Variants in PCDHGB5 observed in about 807,000 individuals in gnomAD.
The protein encoded by PCDHGB5 is protocadherin gamma subfamily B, 5.
PCDHGB5 carries 48 observed loss-of-function variants against 62.9 expected under a neutral mutation model. The ratio of observed to expected loss-of-function variants is 0.76; its 90% CI spans 0.61 to 0.97. The LOEUF (loss-of-function observed/expected upper bound fraction) is 0.97. Ranked by LOEUF, PCDHGB5 falls within the 50% of genes least tolerant of loss-of-function variation. PCDHGB5 has a pLI of 0.00. For missense variants in PCDHGB5, 1,118 were observed against 1,198.6 expected, an observed-to-expected ratio of 0.93 and a Z score of 0.99; for synonymous variants, 474 against 511.2, an observed-to-expected ratio of 0.93 and a Z score of 0.98.
At chr5:141,423,754 GGGGGGGT>G in intron 1 of PCDHGB5, 1 of 577,826 alleles carries the variant, frequency 1.7e-6, no homozygotes, top group Non-Finnish European at 2.2e-6. Flanking sequence ...ACTGTTTGGG[GGGGGGGT>G]GGGGCGGCAT....
At chr5:141,408,392 C>G in intron 1 of PCDHGB5, 1 of 1,614,002 alleles carries the variant, frequency 6.2e-7, no homozygotes, top group South Asian at 1.1e-5. Context: ...TGTGTCGGCT[C>G]GCAAGCTGCG....
At chr5:141,434,536 T>C (rs1037347477) in intron 1 of PCDHGB5, among the ~76,000 whole-genome samples, 7 of 152,186 alleles carry the variant, frequency 4.6e-5, no homozygotes, top group Non-Finnish European at 8.8e-5. Context: ...CCACAAACAA[T>C]AGCATGAGTG....
intron 1 of PCDHGB5, chr5:141,410,024 G>A (rs771946302): frequency 1.9e-6 from 3 of 1,613,164 alleles, no homozygotes; most frequent in South Asian, 1.1e-5. Context: ...GTCCTACCAC[G>A]TGCTGCAGGC....
intron 1 of PCDHGB5, chr5:141,408,651 C>T (rs373860648): frequency 6.2e-7 from 1 of 1,614,012 alleles, no homozygotes; most frequent in Non-Finnish European, 8.5e-7. Flanking sequence ...TCCGCTGGTA[C>T]ACGACTATCG....
chr5:141,505,155 C>T (rs2099844224), intron 2 of PCDHGB5, among the ~76,000 whole-genome samples: 1 of 152,162 alleles, frequency 6.6e-6, no homozygotes, highest in Non-Finnish European at 1.5e-5. Context: ...GAGTAAGACC[C>T]TGTCTAAAAC....
At chr5:141,430,217 T>C (rs1055487905) in intron 1 of PCDHGB5, among the ~76,000 whole-genome samples, 1 of 150,102 alleles carries the variant, frequency 6.7e-6, no homozygotes, top group Non-Finnish European at 1.5e-5. Context: ...TATTATATTA[T>C]ATGATTTGTC....
At chr5:141,414,587 G>A (rs775783880) in intron 1 of PCDHGB5, 5 of 1,613,828 alleles carry the variant, frequency 3.1e-6, no homozygotes, top group Non-Finnish European at 8.5e-7. Context: ...AACAACGCCA[G>A]GGGTGCCTCC....
At chr5:141,467,055 C>CTTTTTTTTTTT (rs1193465269) in intron 1 of PCDHGB5, among the ~76,000 whole-genome samples, 1 of 134,498 alleles carries the variant, frequency 7.4e-6, no homozygotes, top group Non-Finnish European at 1.6e-5. Context: ...TCAATGTTTT[C>CTTTTTTTTTTT]TTTTTTTTTT....
At chr5:141,412,204 T>G (rs2095542280) in intron 1 of PCDHGB5, 1 of 152,240 alleles carries the variant, frequency 6.6e-6, no homozygotes, top group Admixed American at 6.5e-5. Context: ...ACAGGTCATT[T>G]GACATAAACA....
intron 1 of PCDHGB5, among the ~76,000 whole-genome samples, chr5:141,463,316 T>A (rs1290852110): frequency 1.3e-5 from 2 of 151,806 alleles, no homozygotes; most frequent in African/African-American, 2.4e-5. Flanking sequence ...TAATATCTAT[T>A]CCTCAACTCA....
At chr5:141,410,430 A>G in intron 1 of PCDHGB5, 1 of 1,613,976 alleles carries the variant, frequency 6.2e-7, no homozygotes, top group Middle Eastern at 1.6e-4. Context: ...CCCCCCAACT[A>G]CAGTGAGGGG....
In PCDHGB5 at chr5:141,491,177, T is replaced by G; in HGVS notation, c.2398-3630T>G. The G allele has an allele frequency of 6.2e-7, 1 of 1,614,158 alleles. No homozygotes were observed. Among genetic ancestry groups the G allele is most frequent in the Non-Finnish European group, 8.5e-7 (1 of 1,180,010 alleles). Reference sequence around the variant, plus strand: ...GACTCTGACACCCAGCAGGTGGTGGTCCTGGTGAGGGACAATGGTGACCCT... The same window carrying G: ...GACTCTGACACCCAGCAGGTGGTGGGCCTGGTGAGGGACAATGGTGACCCT... On this transcript the variant is annotated intron_variant, in intron 1 of 3. Transcript: ENST00000617380. This position sits in a 1 kb window ranked among gnomAD's most constrained non-coding sequence, Gnocchi z 6.9.
At chr5:141,464,944 G>T (rs1379789566) in intron 1 of PCDHGB5, among the ~76,000 whole-genome samples, 1 of 151,826 alleles carries the variant, frequency 6.6e-6, no homozygotes, top group African/African-American at 2.4e-5. Context: ...GTCTCACTAT[G>T]TTGCCCAGGC....
At chr5:141,403,721 C>G (rs748888364) in intron 1 of PCDHGB5, 2 of 1,613,872 alleles carry the variant, frequency 1.2e-6, no homozygotes, top group East Asian at 2.2e-5. Flanking sequence ...GAACGTGCCC[C>G]CAGGCACCTG....
rs777288812 is a variant in PCDHGB5 at position 141,487,236 on chromosome 5, G to A, written c.2398-7571G>A. The A allele has an allele frequency of 1.7e-5, 28 of 1,613,962 alleles. No homozygotes were observed. The highest frequency in any genetic ancestry group is 1.4e-4 in the South Asian group (13 of 91,070). On this transcript the variant is annotated intron_variant, in intron 1 of 3. Coordinates refer to ENST00000617380, the MANE Select transcript of PCDHGB5 (RefSeq NM_018925.3). This position sits in a 1 kb window ranked among gnomAD's most constrained non-coding sequence, Gnocchi z 5.0. ...TCAGCTCCAAGGGAAGGAGAATCTC[G>A]TCTAACCCTCTACTTGGCTGTGTCC... is the stretch of plus-strand genomic sequence containing the variant.
chr5:141,474,289 T>C (rs11956411), intron 1 of PCDHGB5, among the ~76,000 whole-genome samples: 31,178 of 152,120 alleles, frequency 0.2, 3,304 homozygotes, highest in Admixed American at 0.31. Context: ...ACCCACTAGA[T>C]CAGTGCTTGT....
chr5:141,409,857 T>C (rs761331515), intron 1 of PCDHGB5: 2 of 1,612,228 alleles, frequency 1.2e-6, no homozygotes, highest in African/African-American at 2.7e-5. Context: ...CGCGTGTTGG[T>C]GGGAGACCGC....
In PCDHGB5 at chr5:141,486,805, C is replaced by A; in HGVS notation, c.2398-8002C>A. On this transcript the variant is annotated intron_variant, in intron 1 of 3. Transcript: ENST00000617380. The surrounding 1 kb of genome is among the most constrained non-coding windows in gnomAD (Gnocchi z 5.0). ...AGGCCCGGGATCGGGGCAACCCACC[C>A]CTTAGCAGCACTGTAACAGTTCGTC... 1.2e-6 allele frequency: 2 copies of A among 1,614,242 alleles called. No homozygotes were observed. Among genetic ancestry groups the A allele is most frequent in the Admixed American group, 1.7e-5 (1 of 60,034 alleles).
At chr5:141,470,016 C>G (rs116065751) in intron 1 of PCDHGB5, among the ~76,000 whole-genome samples, 1 of 152,146 alleles carries the variant, frequency 6.6e-6, no homozygotes, top group Non-Finnish European at 1.5e-5. Context: ...GTAATCCCAG[C>G]TACTCGGGAT....
Sources: allele counts gnomAD v4.1 joint callset (sites outside exome capture counted in the v4.1 genomes callset), GRCh38; gene constraint gnomAD v4.1.1; non-coding constraint Gnocchi (gnomAD v3.1); transcripts MANE v1.5; gene names NCBI Gene and HGNC (gene_info 2026-07-23, HGNC 2026-07-21).